Variants in ITIH4 observed in about 807,000 individuals in gnomAD.
ITIH4 encodes inter-alpha-trypsin inhibitor heavy chain H4.
In ITIH4, 79 loss-of-function variants were observed where a neutral mutation model predicts 111.8. That is an observed-to-expected ratio of 0.71 (90% CI 0.59 to 0.85). ITIH4 has a LOEUF of 0.85. Among genes scored for constraint, ITIH4 ranks in the 40% least tolerant of loss-of-function variants. ITIH4 has a pLI of 0.00. For missense variants in ITIH4, 1,065 were observed against 1,195.8 expected (o/e 0.89, Z 1.61); for synonymous variants, 472 against 468.3 (o/e 1.01, Z -0.10).
chr3:52,822,386 T>C (rs1700398215), intron 11 of ITIH4: 1 of 152,120 alleles, frequency 6.6e-6, no homozygotes. Context: ...TCAGGTCATA[T>C]TTTTCAGAAT....
intron 6 of ITIH4, 35 bp downstream of exon 6, chr3:52,825,851 C>G: frequency 6.2e-7 from 1 of 1,603,576 alleles, no homozygotes; most frequent in Non-Finnish European, 8.5e-7. Context: ...GGACAGACTT[C>G]TAGGCTGCTC....
Position 52,820,897 on chromosome 3 carries a change from G to A in ITIH4, c.1679+94C>T, listed in dbSNP as rs2535646. 39,473 of 1,549,336 alleles carry A rather than the reference G, an allele frequency of 0.025. 4,561 individuals are homozygous for A. The African/African-American group carries it at 0.26, about 10-fold the overall frequency. On this transcript the variant is annotated intron_variant, in intron 12 of 23. Coordinates refer to ENST00000266041, the MANE Select transcript of ITIH4 (RefSeq NM_002218.5). The stretch of plus-strand genomic sequence containing the variant: ...GGAGAATCTGGAGCTTGGACATGAT[G>A]CCAAGACCCCCCTCTCTCCATGCTT...
rs139369931 is a variant in ITIH4 at position 52,814,277 on chromosome 3, C to T, written c.2558G>A (p.Arg853His). The T allele has an allele frequency of 9.2e-5, 149 of 1,613,872 alleles. No homozygotes were observed. The highest frequency in any genetic ancestry group is 1.1e-4 in the Non-Finnish European group (132 of 1,180,028). The change falls in exon 22 of 24, where the codon CGT becomes CAT. Residue 853 changes from arginine to histidine, a missense_variant. Coordinates refer to ENST00000266041, the MANE Select transcript of ITIH4 (RefSeq NM_002218.5). ...VTIGLLFWDGRGEGLRLLLRD... is the reference protein window; with the variant it reads ...VTIGLLFWDGHGEGLRLLLRD... ...CAGAAGGAGCCGGAGCCCCTCCCCACGGCCATCCCAGAACAACAGGCCGAT... is the reference window on the plus strand; with the variant it reads ...CAGAAGGAGCCGGAGCCCCTCCCCATGGCCATCCCAGAACAACAGGCCGAT...
chr3:52,826,682 C>A (rs1387814025), intron 4 of ITIH4, 31 bp from the exon 5 acceptor site: 1 of 1,611,298 alleles, frequency 6.2e-7, no homozygotes, highest in Non-Finnish European at 8.5e-7. Context: ...CCTGGGTCAG[C>A]CAGGAGCCTG....
chr3:52,814,669 C>A (rs542481940), intron 21 of ITIH4, among the ~76,000 whole-genome samples: 1 of 152,284 alleles, frequency 6.6e-6, no homozygotes, highest in African/African-American at 2.4e-5. Flanking sequence ...TCGTTGCAAC[C>A]TGTGCCTCCT....
chr3:52,821,255 A>T, intron 11 of ITIH4, 125 bp from the exon 12 acceptor site: 11 of 1,131,496 alleles, frequency 9.7e-6, no homozygotes, highest in Non-Finnish European at 1.3e-5. Context: ...TGGGGACTGC[A>T]TTTCCTTTGA....
In ITIH4 at chr3:52,820,991, G is replaced by A. The variant is rs1226083745; in HGVS notation, c.1679C>T (p.Thr560Ile). ...CTTAGGGAGGTGCTGATGCACTCACGTTTGCTCCAGCAGCTGCTGGATAGT... is the reference window on the plus strand; with the variant it reads ...CTTAGGGAGGTGCTGATGCACTCACATTTGCTCCAGCAGCTGCTGGATAGT... ...YLTIQQLLEQ[T>I]VSASDADQQA... is the part of the protein sequence containing the mutation. The change falls in exon 12 of 24, where the codon ACT (threonine) becomes ATT (isoleucine). Residue 560 changes from threonine to isoleucine, a missense_variant and splice_region_variant. Coordinates refer to ENST00000266041, the MANE Select transcript of ITIH4 (RefSeq NM_002218.5). 2.5e-6 allele frequency: 4 copies of A among 1,613,456 alleles called. No individual in the cohort carries two copies. Among genetic ancestry groups the A allele is most frequent in the Admixed American group, 1.7e-5 (1 of 59,986 alleles).
At position 52,813,409 on chromosome 3, in the gene ITIH4, CT is replaced by C; in HGVS notation, c.*11del. Reference sequence around the variant, plus strand: ...CAAGTGTACAGGGTGGGCACAGCTCCTTCCATCAGAACTACAGCTCCACAGA... The same window carrying C: ...CAAGTGTACAGGGTGGGCACAGCTCCTCCATCAGAACTACAGCTCCACAGA... On this transcript the variant is annotated 3_prime_UTR_variant, in exon 24 of 24. Coordinates refer to ENST00000266041, the MANE Select transcript of ITIH4 (RefSeq NM_002218.5). The C allele has an allele frequency of 6.2e-7, 1 of 1,613,782 alleles. No individual in the cohort carries two copies. Among genetic ancestry groups the C allele is most frequent in the Non-Finnish European group, 8.5e-7 (1 of 1,179,688 alleles).
chr3:52,820,619 C>G lies in ITIH4; in HGVS notation c.1834+12G>C. 6.2e-7 allele frequency: 1 copy of G among 1,600,968 alleles called. No homozygotes were observed. Among genetic ancestry groups the G allele is most frequent in the Non-Finnish European group, 8.5e-7 (1 of 1,172,922 alleles). ...GCTACCTGGGAGGCTGAGATCTCAACCCCACACCCACCGCCTTCCATGGGC... is the reference window on the plus strand; with the variant it reads ...GCTACCTGGGAGGCTGAGATCTCAAGCCCACACCCACCGCCTTCCATGGGC... On this transcript the variant is annotated intron_variant, in intron 13 of 23. Transcript: ENST00000266041.
intron 1 of ITIH4, chr3:52,830,163 A>T: frequency 2.8e-6 from 1 of 361,844 alleles, no homozygotes; most frequent in Non-Finnish European, 5.4e-6. Flanking sequence ...TGTCCTAAGC[A>T]CTTTATAGAT....
chr3:52,820,434 C>G (rs1258124789), intron 13 of ITIH4, 117 bp from the exon 14 acceptor site: 1 of 1,256,722 alleles, frequency 8.0e-7, no homozygotes, highest in African/African-American at 1.5e-5. Flanking sequence ...CAATCCTGGA[C>G]TATATCGTAG....
chr3:52,823,570 CTG>C lies in ITIH4; in HGVS notation c.1523_1524del (p.Thr508SerfsTer59). ...GCCACACTCACCAGCTTCCCACTGA[CTG>C]TGGCTGTGAGCACATCAGGCCCCCG... is the stretch of plus-strand genomic sequence containing the variant. ...QDRGPDVLTA[T>X]VSGKLPTQNI... On this transcript the variant is annotated frameshift_variant, in exon 11 of 24. Transcript: ENST00000266041. LOFTEE classifies it high-confidence loss of function. 1 of 1,609,300 alleles carries C rather than the reference CTG, an allele frequency of 6.2e-7. No individual in the cohort carries two copies.
At chr3:52,820,919 G>C in intron 12 of ITIH4, 72 bp downstream of exon 12, 4 of 1,568,702 alleles carry the variant, frequency 2.5e-6, no homozygotes, top group Non-Finnish European at 3.5e-6. Flanking sequence ...CTCTCTCCAT[G>C]CTTAGGCGCT....
In ITIH4 at chr3:52,826,619, G is replaced by T. The variant is rs571940530; in HGVS notation, c.552C>A (p.Ile184=). 8.7e-6 allele frequency: 14 copies of T among 1,614,088 alleles called. No homozygotes were observed. The African/African-American group carries it at 9.3e-5, about 11-fold the overall frequency. Residue 184 remains isoleucine, a synonymous_variant, in exon 5 of 24, where the codon ATC becomes ATA. Transcript: ENST00000266041. ...MDIHIFEPQG[I]SFLETESTFM... ...AGGTGCTCTCTGTCTCCAGAAAGCT[G>T]ATGCCCTGGGGCTCGAAGATGTGAA...
intron 11 of ITIH4, 23 bp downstream of exon 11, chr3:52,823,533 A>G: frequency 1.3e-6 from 2 of 1,572,922 alleles, no homozygotes; most frequent in Non-Finnish European, 8.6e-7. Context: ...ATTCCCCTCC[A>G]GGGTGGCTTT....
intron 20 of ITIH4, among the ~76,000 whole-genome samples, chr3:52,817,723 C>T (rs547968570): frequency 1.3e-5 from 2 of 152,348 alleles, no homozygotes; most frequent in East Asian, 1.9e-4. Context: ...GGTCTCTGTG[C>T]ACCCGCCATG....
chr3:52,822,571 A>G (rs1700403473), intron 11 of ITIH4, among the ~76,000 whole-genome samples: 1 of 152,208 alleles, frequency 6.6e-6, no homozygotes, highest in Non-Finnish European at 1.5e-5. Context: ...TGAGGGGGGC[A>G]TGCGACTTAT....
At chr3:52,830,379 A>G in intron 1 of ITIH4, 174 bp downstream of exon 1, 2 of 714,132 alleles carry the variant, frequency 2.8e-6, no homozygotes, top group Non-Finnish European at 5.2e-6. Context: ...TAGGTGGGAG[A>G]ATACCAGTAA....
At chr3:52,829,567 CAA>C (rs1295679661) in intron 1 of ITIH4, among the ~76,000 whole-genome samples, 15 of 152,198 alleles carry the variant, frequency 9.9e-5, no homozygotes, top group Non-Finnish European at 1.6e-4. Context: ...TGGAGAAGAA[CAA>C]GCATGCAGGG....
Sources: allele counts gnomAD v4.1 joint callset (sites outside exome capture counted in the v4.1 genomes callset), GRCh38; gene constraint gnomAD v4.1.1; transcripts MANE v1.5; gene names NCBI Gene and HGNC (gene_info 2026-07-23, HGNC 2026-07-21).